ADAMTS2: variants seen among roughly 807,000 people sequenced by gnomAD.
ADAMTS2 encodes ADAM metallopeptidase with thrombospondin type 1 motif 2, also known as A disintegrin and metalloproteinase with thrombospondin motifs 2.
In ADAMTS2, 50 loss-of-function variants were observed where a neutral mutation model predicts 123.0. The observed-to-expected ratio is 0.41, with a 90% CI of 0.32 to 0.51. The LOEUF (loss-of-function observed/expected upper bound fraction) is 0.51. Ranked by LOEUF, ADAMTS2 falls within the 20% of genes least tolerant of loss-of-function variation. The pLI, the probability that ADAMTS2 is intolerant of heterozygous loss-of-function variation, is 0.35. For synonymous variants in ADAMTS2, 678 were observed against 695.4 expected, an observed-to-expected ratio of 0.98 and a Z score of 0.39; for missense variants, 1,494 against 1,705.2, an observed-to-expected ratio of 0.88 and a Z score of 2.18.
intron 2 of ADAMTS2, among the ~76,000 whole-genome samples, chr5:179,288,227 T>C (rs1240279895): frequency 6.6e-6 from 1 of 152,186 alleles, no homozygotes; most frequent in African/African-American, 2.4e-5. Flanking sequence ...TGGGCTTCTT[T>C]TCCTGCTGTG....
chr5:179,177,780 G>T (rs1763963338), intron 5 of ADAMTS2, among the ~76,000 whole-genome samples: 1 of 152,070 alleles, frequency 6.6e-6, no homozygotes, highest in African/African-American at 2.4e-5. Context: ...AAAAGAAAAA[G>T]AAAAGGCTTA....
chr5:179,198,019 G>T (rs1764468918), intron 4 of ADAMTS2, among the ~76,000 whole-genome samples: 1 of 152,204 alleles, frequency 6.6e-6, no homozygotes, highest in East Asian at 1.9e-4. Flanking sequence ...AAGCCCCAGG[G>T]TCAGTATCAG....
At chr5:179,135,818 A>G (rs1369952761) in intron 13 of ADAMTS2, 91 bp downstream of exon 13, 2 of 1,577,782 alleles carry the variant, frequency 1.3e-6, no homozygotes, top group East Asian at 2.3e-5. Flanking sequence ...CACCTCATGC[A>G]TCTTGCCAAT....
intron 2 of ADAMTS2, among the ~76,000 whole-genome samples, chr5:179,281,116 A>C (rs1041955213): frequency 6.6e-5 from 10 of 152,288 alleles, no homozygotes; most frequent in African/African-American, 2.2e-4. Context: ...CCTCGGCCTC[A>C]CAAAGTGCTG....
In ADAMTS2 at chr5:179,345,155, G is replaced by T; in HGVS notation, c.139+35C>A. 9.2e-7 allele frequency: 1 copy of T among 1,083,878 alleles called. No individual in the cohort carries two copies. Among genetic ancestry groups the T allele is most frequent in the Non-Finnish European group, 1.1e-6 (1 of 894,240 alleles). The allele number at this position is 1,083,878 out of a possible 1,614,324, so 67.1% of individuals were successfully genotyped here. ...CACGCGGGACAGGGCCAGGCCGGCG[G>T]GGGTCCCGGGGAGTAGGGGCCGGGC... On this transcript the variant is annotated intron_variant, in intron 1 of 21. Transcript: ENST00000251582. This position sits in a 1 kb window ranked among gnomAD's most constrained non-coding sequence, Gnocchi z 7.5.
intron 3 of ADAMTS2, among the ~76,000 whole-genome samples, chr5:179,226,242 TTCTTTCTTTCTTC>T (rs1423476143): frequency 3.6e-5 from 5 of 139,360 alleles, no homozygotes; most frequent in Non-Finnish European, 8.2e-5. Context: ...CTTCCTTCCT[TTCTTTCTTTCTTC>T]TCTTTCTTCT....
chr5:179,176,239 G>A (rs1457733501), intron 5 of ADAMTS2, among the ~76,000 whole-genome samples: 1 of 152,112 alleles, frequency 6.6e-6, no homozygotes, highest in African/African-American at 2.4e-5. Context: ...CCCTGTGAGG[G>A]GCTACGGGGC....
intron 3 of ADAMTS2, among the ~76,000 whole-genome samples, chr5:179,230,035 C>T (rs913443212): frequency 1.3e-5 from 2 of 152,204 alleles, no homozygotes; most frequent in Non-Finnish European, 2.9e-5. Flanking sequence ...AGCTATAAGC[C>T]TCTCATGGAA....
chr5:179,156,392 C>T (rs982814475), intron 6 of ADAMTS2, among the ~76,000 whole-genome samples: 16 of 145,694 alleles, frequency 1.1e-4, no homozygotes, highest in Non-Finnish European at 1.9e-4. Flanking sequence ...TGGAGTCTCA[C>T]TCTGCCGTCC....
chr5:179,211,854 A>C (rs539692862), intron 3 of ADAMTS2, among the ~76,000 whole-genome samples: 1 of 152,154 alleles, frequency 6.6e-6, no homozygotes, highest in African/African-American at 2.4e-5. Flanking sequence ...TGGCAGCTCC[A>C]TACCCCCAGC....
intron 5 of ADAMTS2, among the ~76,000 whole-genome samples, chr5:179,167,010 A>G (rs1365967787): frequency 1.3e-5 from 2 of 152,090 alleles, no homozygotes; most frequent in African/African-American, 2.4e-5. Context: ...GGCTGCGGGG[A>G]CGTTCTCGGG....
chr5:179,215,857 T>A (rs1266671245), intron 3 of ADAMTS2, among the ~76,000 whole-genome samples: 1 of 152,182 alleles, frequency 6.6e-6, no homozygotes, highest in Admixed American at 6.5e-5. Flanking sequence ...CAGCATTCGA[T>A]GCAGGAAAAC....
chr5:179,253,994 T>A (rs555729013), intron 3 of ADAMTS2, among the ~76,000 whole-genome samples: 1 of 152,274 alleles, frequency 6.6e-6, no homozygotes, highest in Admixed American at 6.5e-5. Context: ...CTCTAATATA[T>A]GCCATCCCAG....
rs1762978418 is a variant in ADAMTS2 at position 179,132,274 on chromosome 5, C to T, written c.2246G>A (p.Arg749Lys). 2.5e-6 allele frequency: 4 copies of T among 1,614,238 alleles called. No homozygotes were observed. The highest frequency in any genetic ancestry group is 3.4e-6 in the Non-Finnish European group (4 of 1,180,042). ...GTCTACCTCCTGAATGAGCAGGTGTCTGGCTCCTGCAGGGATCTCAAACAT... is the reference window on the plus strand; with the variant it reads ...GTCTACCTCCTGAATGAGCAGGTGTTTGGCTCCTGCAGGGATCTCAAACAT... ...IKMFEIPAGA[R>K]HLLIQEVDAT... Residue 749 changes from arginine to lysine, a missense_variant, in exon 15 of 22, where the codon AGA becomes AAA. By Grantham distance (26) the Arg-to-Lys change is conservative (BLOSUM62 2). Transcript: ENST00000251582. This position sits in a 1 kb window ranked among gnomAD's most constrained non-coding sequence, Gnocchi z 6.1.
chr5:179,327,345 C>T (rs1193392698), intron 2 of ADAMTS2, among the ~76,000 whole-genome samples: 3 of 151,974 alleles, frequency 2.0e-5, no homozygotes, highest in African/African-American at 4.8e-5. Context: ...GTTGTACCAC[C>T]GAATCTACTC....
At chr5:179,235,634 C>T (rs1227419443) in intron 3 of ADAMTS2, among the ~76,000 whole-genome samples, 5 of 152,340 alleles carry the variant, frequency 3.3e-5, no homozygotes, top group African/African-American at 1.2e-4. Flanking sequence ...AACGAAAGTG[C>T]TGGTAGGCCA....
chr5:179,316,237 G>T (rs561698250), intron 2 of ADAMTS2, among the ~76,000 whole-genome samples: 1 of 152,316 alleles, frequency 6.6e-6, no homozygotes, highest in Non-Finnish European at 1.5e-5. Flanking sequence ...AAAGGCTCTT[G>T]CCTGGAGGGA....
At chr5:179,215,898 A>T (rs1353000021) in intron 3 of ADAMTS2, among the ~76,000 whole-genome samples, 1 of 152,210 alleles carries the variant, frequency 6.6e-6, no homozygotes, top group African/African-American at 2.4e-5. Flanking sequence ...ATTCTGAAGG[A>T]AAATGATTGT....
rs1764602163 is a variant in ADAMTS2 at position 179,202,946 on chromosome 5, G to T, written c.891+4567C>A. Among the ~76,000 whole-genome samples the T allele has an allele frequency of 6.6e-6, 1 of 152,222 alleles. No homozygotes were observed. The highest frequency in any genetic ancestry group is 2.1e-4 in the South Asian group (1 of 4,830). On this transcript the variant is annotated intron_variant, in intron 4 of 21. Coordinates refer to ENST00000251582, the MANE Select transcript of ADAMTS2 (RefSeq NM_014244.5). The surrounding 1 kb of genome is among the most constrained non-coding windows in gnomAD (Gnocchi z 4.0). Reference sequence around the variant, plus strand: ...ATGCAGCTCCACACCAGCTACAAGGGAGACTGGGGAGGGGAGCACAGGGGT... The same window carrying T: ...ATGCAGCTCCACACCAGCTACAAGGTAGACTGGGGAGGGGAGCACAGGGGT...
Sources: gnomAD v4.1 joint callset for allele counts (sites outside exome capture counted in the v4.1 genomes callset) on GRCh38, gnomAD v4.1.1 for gene constraint, Gnocchi (gnomAD v3.1) non-coding constraint, MANE v1.5 for transcripts, NCBI Gene and HGNC (gene_info 2026-07-23, HGNC 2026-07-21) for gene names.